Variants in ANO3 observed in about 807,000 individuals in gnomAD.
The protein encoded by ANO3 is anoctamin 3.
In ANO3, 99 loss-of-function variants were observed where a neutral mutation model predicts 144.8. That is an observed-to-expected ratio of 0.68 (90% CI 0.58 to 0.81). The LOEUF (loss-of-function observed/expected upper bound fraction) is 0.81, where lower values mean the gene tolerates loss of function less well. Among genes scored for constraint, ANO3 ranks in the 30% least tolerant of loss-of-function variants. The pLI is 0.00. For synonymous variants in ANO3, 414 were observed against 392.6 expected, an observed-to-expected ratio of 1.05 and a Z score of -0.64; for missense variants, 905 against 1,202.2, an observed-to-expected ratio of 0.75 and a Z score of 3.66.
At chr11:26,467,266 A>G (rs775679954) in intron 4 of ANO3, among the ~76,000 whole-genome samples, 2 of 151,930 alleles carry the variant, frequency 1.3e-5, no homozygotes, top group African/African-American at 2.4e-5. Flanking sequence ...GGTATCCATC[A>G]CCTCACGCAT....
At chr11:26,478,317 A>G (rs1008200063) in intron 4 of ANO3, among the ~76,000 whole-genome samples, 1 of 152,194 alleles carries the variant, frequency 6.6e-6, no homozygotes, top group Admixed American at 6.5e-5. Flanking sequence ...AAACAAGATG[A>G]AAACAACAAA....
Position 26,559,928 on chromosome 11 carries a change from C to T in ANO3, c.1447+149C>T, listed in dbSNP as rs913788059. 4 of 603,954 alleles carry T rather than the reference C, an allele frequency of 6.6e-6. No homozygotes were observed. The African/African-American group carries it at 7.3e-5, about 11-fold the overall frequency. The allele number at this position is 603,954 out of a possible 1,614,324, so 37.4% of individuals were successfully genotyped here. ...TAGGTTGGTACTTGATTTGTTTGCTCTCTTCATATATTCAGTGCTTCTTTA... is the reference window on the plus strand; with the variant it reads ...TAGGTTGGTACTTGATTTGTTTGCTTTCTTCATATATTCAGTGCTTCTTTA... On this transcript the variant is annotated intron_variant, in intron 14 of 26. Transcript: ENST00000256737.
chr11:26,507,824 G>A (rs1590433340), intron 4 of ANO3, among the ~76,000 whole-genome samples: 1 of 151,934 alleles, frequency 6.6e-6, no homozygotes, highest in African/African-American at 2.4e-5. Context: ...TCATTTTCAT[G>A]GGTCTTATTG....
chr11:26,547,373 T>C, intron 11 of ANO3, 43 bp from the exon 12 acceptor site: 2 of 1,591,030 alleles, frequency 1.3e-6, no homozygotes, highest in Non-Finnish European at 1.7e-6. Context: ...TAATATTGCT[T>C]ATGTTGCCTT....
chr11:26,544,273 T>TATATATATACACACAC lies in ANO3; in HGVS notation c.1154+2206_1154+2207insTATATATACACACACA. 4.8e-4 allele frequency among the ~76,000 whole-genome samples: 28 copies of TATATATATACACACAC among 58,536 alleles called. No homozygotes were observed. In the East Asian group the frequency reaches 9.3e-3, roughly 19 times the overall value. The allele number at this position is 58,536 out of a possible 152,430, so 38.4% of individuals were successfully genotyped here. On this transcript the variant is annotated intron_variant, in intron 11 of 26. Transcript: ENST00000256737. ...ATACATATATATATATATATATATATACACACATACACACACACACACACA... is the reference window on the plus strand; with the variant it reads ...ATACATATATATATATATATATATATATATATATACACACACACACACATACACACACACACACACA...
intron 1 of ANO3, among the ~76,000 whole-genome samples, chr11:26,190,287 T>C (rs1851450561): frequency 6.6e-6 from 1 of 152,146 alleles, no homozygotes; most frequent in Non-Finnish European, 1.5e-5. Context: ...TAACCCCCAG[T>C]CAATCTCTGA....
chr11:26,337,035 T>A (rs181358540), intron 1 of ANO3, among the ~76,000 whole-genome samples: 208 of 152,318 alleles, frequency 1.4e-3, no homozygotes, highest in Non-Finnish European at 2.0e-3. Flanking sequence ...CCTTTAATTT[T>A]CACCCTTCTC....
intron 1 of ANO3, among the ~76,000 whole-genome samples, chr11:26,351,070 C>T (rs1005510378): frequency 2.0e-5 from 3 of 152,112 alleles, no homozygotes; most frequent in Non-Finnish European, 4.4e-5. Flanking sequence ...CCTTCAGATA[C>T]CTCTTTGTTC....
intron 14 of ANO3, among the ~76,000 whole-genome samples, chr11:26,596,981 T>C (rs1851649221): frequency 6.6e-6 from 1 of 152,168 alleles, no homozygotes; most frequent in African/African-American, 2.4e-5. Flanking sequence ...AGAAAGCTTT[T>C]TCCCAGGAAA....
intron 14 of ANO3, chr11:26,560,609 C>T (rs1455047211): frequency 6.5e-6 from 1 of 153,436 alleles, no homozygotes; most frequent in African/African-American, 2.4e-5. Flanking sequence ...AGCTTTAAGT[C>T]AAATTTTCTT....
intron 17 of ANO3, among the ~76,000 whole-genome samples, chr11:26,602,150 A>G (rs1252522265): frequency 2.6e-5 from 4 of 152,226 alleles, no homozygotes; most frequent in Non-Finnish European, 5.9e-5. Context: ...TGTTGTTTGA[A>G]GAAATTCAAC....
intron 6 of ANO3, among the ~76,000 whole-genome samples, chr11:26,518,018 A>G (rs371242031): frequency 1.2e-4 from 18 of 152,196 alleles, no homozygotes; most frequent in African/African-American, 3.8e-4. Flanking sequence ...AATTCTCTAT[A>G]GACTTGATAT....
intron 1 of ANO3, among the ~76,000 whole-genome samples, chr11:26,298,087 A>T (rs767286879): frequency 6.6e-6 from 1 of 152,236 alleles, no homozygotes; most frequent in Non-Finnish European, 1.5e-5. Flanking sequence ...ATTCTCAGAA[A>T]ATATTTGAGA....
intron 1 of ANO3, among the ~76,000 whole-genome samples, chr11:26,238,624 G>A (rs1852586225): frequency 6.6e-6 from 1 of 152,028 alleles, no homozygotes; most frequent in African/African-American, 2.4e-5. Context: ...ATTAGGCAAT[G>A]ATTTCTGCCC....
chr11:26,296,901 T>G (rs190149190), intron 1 of ANO3, among the ~76,000 whole-genome samples: 30 of 152,236 alleles, frequency 2.0e-4, no homozygotes, highest in African/African-American at 7.2e-4. Context: ...CTGAAACACT[T>G]CTAGATATCA....
At chr11:26,310,644 T>C (rs1490539569) in intron 1 of ANO3, among the ~76,000 whole-genome samples, 1 of 152,188 alleles carries the variant, frequency 6.6e-6, no homozygotes, top group Non-Finnish European at 1.5e-5. Flanking sequence ...CCCATGTGTG[T>C]GTTGTGTGAA....
At chr11:26,510,938 G>A (rs1209642526) in intron 5 of ANO3, among the ~76,000 whole-genome samples, 1 of 152,154 alleles carries the variant, frequency 6.6e-6, no homozygotes, top group Non-Finnish European at 1.5e-5. Context: ...CCCAAATGGT[G>A]TCTTTGTTTA....
chr11:26,525,260 G>A (rs1849132055), intron 6 of ANO3, among the ~76,000 whole-genome samples: 1 of 152,080 alleles, frequency 6.6e-6, no homozygotes, highest in Non-Finnish European at 1.5e-5. Context: ...TGTATAGATG[G>A]ATGGACGGGA....
intron 4 of ANO3, among the ~76,000 whole-genome samples, chr11:26,504,990 C>A (rs1435409115): frequency 2.7e-5 from 3 of 110,656 alleles, no homozygotes; most frequent in African/African-American, 1.1e-4. Context: ...CCAGCCTAGG[C>A]GACAGAGCGA....
Sources: gnomAD v4.1 joint callset for allele counts (sites outside exome capture counted in the v4.1 genomes callset) on GRCh38, gnomAD v4.1.1 for gene constraint, MANE v1.5 for transcripts, NCBI Gene and HGNC (gene_info 2026-07-23, HGNC 2026-07-21) for gene names.